Variants in DYSF observed in about 807,000 individuals in gnomAD.
DYSF encodes dystrophy-associated fer-1-like 1.
In DYSF, 212 loss-of-function variants were observed where a neutral mutation model predicts 274.9. The observed-to-expected ratio is 0.77, with a 90% CI of 0.69 to 0.86. The LOEUF (loss-of-function observed/expected upper bound fraction) is 0.86. DYSF is among the 40% of genes least tolerant of loss of function. DYSF has a pLI of 0.00. For synonymous variants in DYSF, 1,091 were observed against 1,078.7 expected, an observed-to-expected ratio of 1.01 and a Z score of -0.22; for missense variants, 2,666 against 2,783.2, an observed-to-expected ratio of 0.96 and a Z score of 0.95.
At chr2:71,630,281 G>A (rs1305521813) in intron 41 of DYSF, among the ~76,000 whole-genome samples, 1 of 152,222 alleles carries the variant, frequency 6.6e-6, no homozygotes, top group Non-Finnish European at 1.5e-5. Context: ...CAGGATCAGA[G>A]GCAGCTATGT....
At chr2:71,546,808 C>T (rs545696181) in intron 17 of DYSF, among the ~76,000 whole-genome samples, 11 of 152,268 alleles carry the variant, frequency 7.2e-5, no homozygotes, top group Non-Finnish European at 1.5e-4. Context: ...AAGCGAGAGT[C>T]AGGCAGCCAG....
intron 9 of DYSF, 136 bp downstream of exon 9, chr2:71,516,378 C>A: frequency 1.2e-6 from 1 of 861,430 alleles, no homozygotes; most frequent in South Asian, 1.4e-5. Context: ...GTGTGCCTGT[C>A]GGTGTGTATG....
Position 71,592,306 on chromosome 2 carries a change from G to A in DYSF, c.3574+2018G>A, listed in dbSNP as rs189414097. ...GGCAGTGGCACTGGTCTGCGGAGAC[G>A]TCACACTTTCCATCCTGGCCCCACC... On this transcript the variant is annotated intron_variant, in intron 32 of 55. Transcript: ENST00000410020. 7.6e-3 allele frequency among the ~76,000 whole-genome samples: 1,156 copies of A among 152,314 alleles called. 11 individuals carry two copies. The highest frequency in any genetic ancestry group is 0.026 in the South Asian group (125 of 4,828).
At chr2:71,597,040 G>A (rs2093423855) in intron 32 of DYSF, among the ~76,000 whole-genome samples, 1 of 152,198 alleles carries the variant, frequency 6.6e-6, no homozygotes, top group South Asian at 2.1e-4. Context: ...TCTGCCACCT[G>A]TGCAGTGGCC....
At chr2:71,487,787 G>A (rs1422118403) in intron 3 of DYSF, among the ~76,000 whole-genome samples, 1 of 152,198 alleles carries the variant, frequency 6.6e-6, no homozygotes, top group East Asian at 1.9e-4. Flanking sequence ...GGGATTACAG[G>A]TGTGAGCCAC....
rs56343439 is a variant in DYSF, at chr2:71,520,958, C to T, written c.1149+54C>T. 140,621 of 1,499,440 alleles carry T rather than the reference C, an allele frequency of 0.094. 6,876 individuals are homozygous for T. Among genetic ancestry groups the T allele is most frequent in the African/African-American group, 0.11 (8,196 of 72,554 alleles). The allele number at this position is 1,499,440 out of a possible 1,614,324, so 92.9% of individuals were successfully genotyped here. A position where few individuals can be genotyped will look rare whatever the true frequency, so the allele number is the denominator to read the frequency against. Reference sequence around the variant, plus strand: ...CGGTCCCCCACGCGGCACTTGGTTGCGGAGGCACCAAACCACAAACAAAAA... The same window carrying T: ...CGGTCCCCCACGCGGCACTTGGTTGTGGAGGCACCAAACCACAAACAAAAA... On this transcript the variant is annotated intron_variant, in intron 12 of 55. Transcript: ENST00000410020.
At chr2:71,618,755 T>A (rs957139276) in intron 40 of DYSF, among the ~76,000 whole-genome samples, 1 of 151,144 alleles carries the variant, frequency 6.6e-6, no homozygotes, top group Non-Finnish European at 1.5e-5. Context: ...AGGTGGTGGG[T>A]GTGTGTCCGT....
At chr2:71,559,378 C>T (rs375376006) in intron 22 of DYSF, among the ~76,000 whole-genome samples, 15 of 152,140 alleles carry the variant, frequency 9.9e-5, no homozygotes, top group Admixed American at 1.3e-4. Flanking sequence ...TCTGCCTCAC[C>T]CATGTCCTTC....
At chr2:71,665,551 A>G (rs1352897244) in intron 47 of DYSF, among the ~76,000 whole-genome samples, 1 of 152,198 alleles carries the variant, frequency 6.6e-6, no homozygotes, top group Non-Finnish European at 1.5e-5. Context: ...GTCCAAGGCC[A>G]GGTTGGGGCC....
rs2095193025 is a variant in DYSF, at chr2:71,674,820, C to T, written c.5884+524C>T. Among the ~76,000 whole-genome samples the T allele has an allele frequency of 1.3e-5, 2 of 152,000 alleles. 1 individual carries two copies. Among genetic ancestry groups the T allele is most frequent in the South Asian group, 4.1e-4 (2 of 4,820 alleles). ...TTGAATGGAAGGTGGTGATGGTGGC[C>T]TTGTAGGGTTAGGATATGGGGACAA... On this transcript the variant is annotated intron_variant, in intron 52 of 55. Coordinates refer to ENST00000410020, the MANE Select transcript of DYSF (RefSeq NM_001130987.2).
chr2:71,553,991 C>T, intron 21 of DYSF, 60 bp downstream of exon 21: 6 of 1,611,778 alleles, frequency 3.7e-6, no homozygotes, highest in Non-Finnish European at 5.1e-6. Context: ...ACCCCCGCTG[C>T]ATGGGGTGTC....
chr2:71,514,899 G>T (rs1392222606), intron 7 of DYSF, among the ~76,000 whole-genome samples: 1 of 151,488 alleles, frequency 6.6e-6, no homozygotes, highest in Non-Finnish European at 1.5e-5. Flanking sequence ...ATATTAAAAT[G>T]AGGAGATTAA....
intron 14 of DYSF, among the ~76,000 whole-genome samples, chr2:71,530,716 G>A (rs1045547763): frequency 5.9e-5 from 9 of 152,074 alleles, no homozygotes; most frequent in Non-Finnish European, 8.8e-5. Flanking sequence ...AGGCCTTTGC[G>A]TCCTCTCTGC....
At chr2:71,539,795 A>G (rs574609325) in intron 17 of DYSF, among the ~76,000 whole-genome samples, 1 of 152,346 alleles carries the variant, frequency 6.6e-6, no homozygotes, top group African/African-American at 2.4e-5. Context: ...GTATGTGTAT[A>G]TATACATTAG....
At position 71,500,412 on chromosome 2, in the gene DYSF, G is replaced by C. The variant is rs2084861805; in HGVS notation, c.240-2802G>C. 3.3e-5 allele frequency among the ~76,000 whole-genome samples: 5 copies of C among 152,098 alleles called. No homozygotes were observed. In the South Asian group the frequency reaches 1.0e-3, roughly 32 times the overall value. ...GGGGCTGGTGAAGCCACCCTTCTTG[G>C]AGGGACTTGCCCCCAGGCCGATAGC... On this transcript the variant is annotated intron_variant, in intron 3 of 55. Transcript: ENST00000410020.
chr2:71,653,551 A>G (rs1393101167), intron 42 of DYSF, among the ~76,000 whole-genome samples: 4 of 151,654 alleles, frequency 2.6e-5, no homozygotes, highest in African/African-American at 9.7e-5. Flanking sequence ...TCAGCAAACT[A>G]TCGCAAGGAC....
chr2:71,527,261 A>G (rs2088040799), intron 13 of DYSF, among the ~76,000 whole-genome samples: 1 of 152,192 alleles, frequency 6.6e-6, no homozygotes, highest in Non-Finnish European at 1.5e-5. Context: ...CAACCAAGCC[A>G]CTGTCCACAG....
At chr2:71,627,245 C>G (rs187318194) in intron 41 of DYSF, among the ~76,000 whole-genome samples, 1 of 151,940 alleles carries the variant, frequency 6.6e-6, no homozygotes, top group East Asian at 1.9e-4. Flanking sequence ...TTCCCTCTCA[C>G]TACTGCTTTA....
At chr2:71,498,831 C>T (rs2084684262) in intron 3 of DYSF, among the ~76,000 whole-genome samples, 1 of 152,118 alleles carries the variant, frequency 6.6e-6, no homozygotes, top group Non-Finnish European at 1.5e-5. Context: ...TCATCATTCT[C>T]TCATTTTTAT....
Sources: gnomAD v4.1 joint callset for allele counts (sites outside exome capture counted in the v4.1 genomes callset) on GRCh38, gnomAD v4.1.1 for gene constraint, MANE v1.5 for transcripts, NCBI Gene and HGNC (gene_info 2026-07-23, HGNC 2026-07-21) for gene names.